SPICE1: variants seen among roughly 807,000 people sequenced by gnomAD.
SPICE1 encodes the protein spindle and centriole-associated protein 1.
In SPICE1, 75 loss-of-function variants were observed where a neutral mutation model predicts 102.7. The observed-to-expected ratio is 0.73, with a 90% CI of 0.61 to 0.88. The LOEUF (loss-of-function observed/expected upper bound fraction) is 0.88, where lower values mean the gene tolerates loss of function less well. Ranked by LOEUF, SPICE1 falls within the 40% of genes least tolerant of loss-of-function variation. The pLI is 0.00. For synonymous variants in SPICE1, 308 were observed against 350.3 expected, an observed-to-expected ratio of 0.88 and a Z score of 1.35; for missense variants, 979 against 1,020.1, an observed-to-expected ratio of 0.96 and a Z score of 0.55.
intron 7 of SPICE1, among the ~76,000 whole-genome samples, chr3:113,486,984 G>C (rs1220912150): frequency 6.6e-6 from 1 of 151,534 alleles, no homozygotes; most frequent in Non-Finnish European, 1.5e-5. Flanking sequence ...TAGTTAGAAG[G>C]GATAGGGGAT....
chr3:113,448,099 C>T lies in SPICE1; in HGVS notation c.2365G>A (p.Glu789Lys). The change falls in exon 16 of 18, where the codon GAA becomes AAA. Residue 789 changes from glutamate (E) to lysine (K), a missense_variant. Transcript: ENST00000295872. The part of the protein sequence containing the change: ...RTIEVSIPGA[E>K]APESSKCSTV... ...CTACATTTTGAGCTTTCTGGGGCTTCTGCTCCTGGAATAGATACCTCAATT... is the reference window on the plus strand; with the variant it reads ...CTACATTTTGAGCTTTCTGGGGCTTTTGCTCCTGGAATAGATACCTCAATT... 6.2e-7 allele frequency: 1 copy of T among 1,611,758 alleles called. No homozygotes were observed. The highest frequency in any genetic ancestry group is 8.5e-7 in the Non-Finnish European group (1 of 1,178,844).
intron 13 of SPICE1, among the ~76,000 whole-genome samples, chr3:113,456,023 T>C (rs1380312976): frequency 1.3e-5 from 2 of 152,220 alleles, no homozygotes; most frequent in East Asian, 1.9e-4. Context: ...GTAAACTATC[T>C]GAGCCTCATG....
Position 113,453,847 on chromosome 3 carries a change from A to G in SPICE1, c.1761T>C (p.Asp587=). The G allele has an allele frequency of 6.2e-7, 1 of 1,614,214 alleles. No homozygotes were observed. Among genetic ancestry groups the G allele is most frequent in the Admixed American group, 1.7e-5 (1 of 60,030 alleles). The change falls in exon 14 of 18, where the codon GAT becomes GAC. Residue 587 remains aspartate, a synonymous_variant. Coordinates refer to ENST00000295872, the MANE Select transcript of SPICE1 (RefSeq NM_144718.4). ...QNWEEKTLPI[D]TDIQNSSEEN... ...CTTCACTTGAATTCTGAATGTCTGT[A>G]TCAATAGGTAAGGTCTTCTCTTCCC...
chr3:113,506,250 A>G (rs1040691302), intron 2 of SPICE1, among the ~76,000 whole-genome samples: 9 of 152,180 alleles, frequency 5.9e-5, no homozygotes, highest in African/African-American at 1.9e-4. Context: ...TTTTTAAAAT[A>G]TGCTCCCCAT....
chr3:113,454,450 T>G (rs1483332623), intron 13 of SPICE1, among the ~76,000 whole-genome samples: 3 of 152,148 alleles, frequency 2.0e-5, no homozygotes, highest in Non-Finnish European at 4.4e-5. Context: ...GGCTCACTCC[T>G]ATAATACCCG....
chr3:113,513,906 T>G (rs553867040), intron 1 of SPICE1, among the ~76,000 whole-genome samples: 8 of 152,298 alleles, frequency 5.3e-5, no homozygotes, highest in African/African-American at 1.9e-4. Flanking sequence ...AGTTAAGAGT[T>G]TCTAAGAGGA....
In SPICE1 at chr3:113,481,584, C is replaced by A. The variant is rs374501095; in HGVS notation, c.611+7361G>T. Among the ~76,000 whole-genome samples, 705 of 151,298 alleles carry A rather than the reference C, an allele frequency of 4.7e-3. 7 individuals carry two copies. The highest frequency in any genetic ancestry group is 0.016 in the African/African-American group (668 of 41,202). ...TCCCCTAGCCCCCCCAACCCTCCAA[C>A]AGGCCCCGGTGTGTGATGTTCCCCT... On this transcript the variant is annotated intron_variant, in intron 7 of 17. Transcript: ENST00000295872.
Position 113,465,777 on chromosome 3 carries a change from A to T in SPICE1, c.1163T>A (p.Ile388Asn), listed in dbSNP as rs937767878. Reference sequence around the variant, plus strand: ...TGTCTCTACTTCTTTACGTAGCTGGATCTCACTCTACAAAAAAATATCAAA... The same window carrying T: ...TGTCTCTACTTCTTTACGTAGCTGGTTCTCACTCTACAAAAAAATATCAAA... ...RLVRYLKESE[I>N]QLRKEVETRQ... The change falls in exon 11 of 18, where the codon ATC (isoleucine) becomes AAC (asparagine). Residue 388 changes from isoleucine (I) to asparagine (N), a missense_variant. By Grantham distance (149) the Ile-to-Asn change is moderately radical. Transcript: ENST00000295872. 1 of 1,611,286 alleles carries T rather than the reference A, an allele frequency of 6.2e-7. No homozygotes were observed. Among genetic ancestry groups the T allele is most frequent in the Non-Finnish European group, 8.5e-7 (1 of 1,179,294 alleles).
intron 5 of SPICE1, among the ~76,000 whole-genome samples, chr3:113,493,838 A>G (rs1936816076): frequency 6.6e-6 from 1 of 152,230 alleles, no homozygotes. Context: ...ACTTTTCCTT[A>G]GCTGAATTAT....
intron 5 of SPICE1, 65 bp downstream of exon 5, chr3:113,493,978 TAAATTC>T: frequency 1.9e-6 from 2 of 1,072,018 alleles, no homozygotes; most frequent in South Asian, 2.9e-5. Flanking sequence ...GAAAGGACTT[TAAATTC>T]TTCCAAATAG....
At chr3:113,463,303 A>C (rs919640094) in intron 11 of SPICE1, among the ~76,000 whole-genome samples, 3 of 152,224 alleles carry the variant, frequency 2.0e-5, no homozygotes, top group Admixed American at 6.5e-5. Context: ...CCATGAGGGC[A>C]AAGTTTTCTA....
Position 113,447,935 on chromosome 3 carries a change from T to TA in SPICE1, c.2426+102dup, listed in dbSNP as rs1453041289. On this transcript the variant is annotated intron_variant, in intron 16 of 17. Transcript: ENST00000295872. ...CTCTTTGCATGAGTCTGTCTCAACC[T>TA]AAGTCAGATACTGTACACTTCCTTT... The TA allele has an allele frequency of 2.9e-6, 3 of 1,033,778 alleles. No individual in the cohort carries two copies. In the Admixed American group the frequency reaches 7.8e-5, roughly 27 times the overall value. The allele number at this position is 1,033,778 out of a possible 1,614,324, so 64.0% of individuals were successfully genotyped here.
intron 4 of SPICE1, among the ~76,000 whole-genome samples, chr3:113,498,768 C>A (rs1936951345): frequency 1.3e-5 from 2 of 152,182 alleles, no homozygotes. Context: ...ACACTACAGA[C>A]AAAGCACATT....
In SPICE1 at chr3:113,444,679, T is replaced by C. The variant is rs1014644751; in HGVS notation, c.*628A>G. 2 of 152,188 alleles carry C rather than the reference T, an allele frequency of 1.3e-5. No homozygotes were observed. Among genetic ancestry groups the C allele is most frequent in the African/African-American group, 2.4e-5 (1 of 41,442 alleles). The allele number at this position is 152,188 out of a possible 1,614,324, so 9.4% of individuals were successfully genotyped here. A position where few individuals can be genotyped will look rare whatever the true frequency, so the allele number is the denominator to read the frequency against. On this transcript the variant is annotated 3_prime_UTR_variant, in exon 18 of 18. Coordinates refer to ENST00000295872, the MANE Select transcript of SPICE1 (RefSeq NM_144718.4). Reference sequence around the variant, plus strand: ...ATTTATTTGATTTGCATTACCATTATTGATGACATTTTCACATTTAAAAAC... The same window carrying C: ...ATTTATTTGATTTGCATTACCATTACTGATGACATTTTCACATTTAAAAAC...
chr3:113,506,706 T>A, intron 1 of SPICE1, 101 bp from the exon 2 acceptor site: 1 of 865,280 alleles, frequency 1.2e-6, no homozygotes, highest in South Asian at 1.7e-5. Context: ...AATTTTAAAA[T>A]GCCAGAAGAA....
rs973906722 is a variant in SPICE1 at position 113,442,754 on chromosome 3, A to G, written c.*2553T>C. On this transcript the variant is annotated 3_prime_UTR_variant, in exon 18 of 18. Coordinates refer to ENST00000295872, the MANE Select transcript of SPICE1 (RefSeq NM_144718.4). Reference sequence around the variant, plus strand: ...CAATTTGTGTTTATTAGTTTCCACAATGTTACACAAATACCATGCATTTAT... The same window carrying G: ...CAATTTGTGTTTATTAGTTTCCACAGTGTTACACAAATACCATGCATTTAT... 2.0e-5 allele frequency: 3 copies of G among 152,222 alleles called. No individual in the cohort carries two copies. The highest frequency in any genetic ancestry group is 6.5e-5 in the Admixed American group (1 of 15,282). The allele number at this position is 152,222 out of a possible 1,614,324, so 9.4% of individuals were successfully genotyped here.
chr3:113,512,105 C>T (rs1296087506), intron 1 of SPICE1, among the ~76,000 whole-genome samples: 1 of 152,196 alleles, frequency 6.6e-6, no homozygotes, highest in Non-Finnish European at 1.5e-5. Context: ...GACTTGATTA[C>T]AGCTTTGGAA....
intron 7 of SPICE1, among the ~76,000 whole-genome samples, chr3:113,483,739 G>A (rs942474446): frequency 2.0e-5 from 3 of 152,168 alleles, no homozygotes; most frequent in African/African-American, 7.2e-5. Flanking sequence ...ACTTGATTGT[G>A]GTGGATAAGC....
Position 113,490,633 on chromosome 3 carries a change from C to G in SPICE1, c.493-1570G>C, listed in dbSNP as rs190419734. Among the ~76,000 whole-genome samples the G allele has an allele frequency of 2.9e-4, 44 of 151,236 alleles. 1 individual carries two copies. In the South Asian group the frequency reaches 8.0e-3, roughly 27 times the overall value. On this transcript the variant is annotated intron_variant, in intron 6 of 17. Transcript: ENST00000295872. ...TTCCAGCCTGGGTGACACAGCAAGA[C>G]CCCATCTCAAAAAAGAAAAAAAAAA...
Sources: allele counts gnomAD v4.1 joint callset (sites outside exome capture counted in the v4.1 genomes callset), GRCh38; gene constraint gnomAD v4.1.1; transcripts MANE v1.5; gene names NCBI Gene and HGNC (gene_info 2026-07-23, HGNC 2026-07-21).